Variants in PRIM2 observed in about 807,000 individuals in gnomAD.
PRIM2 encodes DNA primase large subunit.
Under a neutral mutation model 67.3 loss-of-function variants are expected in PRIM2, and 39 were observed. The ratio of observed to expected loss-of-function variants is 0.58; its 90% CI spans 0.45 to 0.76. PRIM2 has a LOEUF of 0.76. Among genes scored for constraint, PRIM2 ranks in the 30% least tolerant of loss-of-function variants. The pLI, the probability that PRIM2 is intolerant of heterozygous loss-of-function variation, is 0.00. For synonymous variants in PRIM2, 143 were observed against 198.7 expected, an observed-to-expected ratio of 0.72 and a Z score of 2.36; for missense variants, 398 against 598.7, an observed-to-expected ratio of 0.66 and a Z score of 3.50.
intron 4 of PRIM2, 130 bp from the exon 5 acceptor site, chr6:57,325,795 G>A (rs1767830657): frequency 1.2e-6 from 1 of 823,836 alleles, no homozygotes; most frequent in South Asian, 1.7e-5. Context: ...CCGTGATAGA[G>A]GACTTGCATG....
chr6:57,403,952 T>C, intron 7 of PRIM2, among the ~76,000 whole-genome samples: 1 of 147,678 alleles, frequency 6.8e-6, no homozygotes, highest in East Asian at 2.0e-4. Flanking sequence ...GGTTTGCAGA[T>C]GGCTGTCTTC....
At chr6:57,624,420 T>C (rs1467429754) in intron 12 of PRIM2, among the ~76,000 whole-genome samples, 1 of 152,226 alleles carries the variant, frequency 6.6e-6, no homozygotes, top group African/African-American at 2.4e-5. Flanking sequence ...AATCCTTTTA[T>C]TGGTACCTAA....
intron 7 of PRIM2, among the ~76,000 whole-genome samples, chr6:57,498,418 T>G (rs1774053881): frequency 1.3e-5 from 2 of 152,158 alleles, no homozygotes; most frequent in Admixed American, 1.3e-4. Context: ...TAAACGTAAA[T>G]TTGGTTCTTT....
rs1480787187 is a variant in PRIM2 at position 57,584,973 on chromosome 6, G to A, written c.1021-16120G>A. Among the ~76,000 whole-genome samples, 6 of 152,112 alleles carry A rather than the reference G, an allele frequency of 3.9e-5. No individual in the cohort carries two copies. In the East Asian group the frequency reaches 7.7e-4, roughly 20 times the overall value. On this transcript the variant is annotated intron_variant, in intron 10 of 13. Coordinates refer to ENST00000615550, the MANE Select transcript of PRIM2 (RefSeq NM_000947.5). ...CACAAGCCTGTAAACAGTTCTCACC[G>A]ATGAGAAATGAATTAACTCTTACAG...
the PRIM2 span, among the ~76,000 whole-genome samples, chr6:57,297,299 G>A: frequency 2.6e-5 from 4 of 152,072 alleles, no homozygotes; most frequent in Admixed American, 2.6e-4. Flanking sequence ...AAAATTAGCC[G>A]GGCATGGTGG....
At chr6:57,464,238 T>C (rs1272121397) in intron 7 of PRIM2, among the ~76,000 whole-genome samples, 2 of 152,158 alleles carry the variant, frequency 1.3e-5, no homozygotes, top group African/African-American at 4.8e-5. Context: ...GCTCCGAGAA[T>C]GCAGATCACA....
At chr6:57,505,804 G>GT (rs1774239305) in intron 7 of PRIM2, among the ~76,000 whole-genome samples, 1 of 152,092 alleles carries the variant, frequency 6.6e-6, no homozygotes, top group African/African-American at 2.4e-5. Context: ...TTACTGAGTT[G>GT]TTTTTTGTTT....
At chr6:57,500,579 T>C (rs1469568830) in intron 7 of PRIM2, among the ~76,000 whole-genome samples, 1 of 152,192 alleles carries the variant, frequency 6.6e-6, no homozygotes, top group Non-Finnish European at 1.5e-5. Flanking sequence ...AGACAAAACG[T>C]AGGGAAGTTT....
the PRIM2 span, among the ~76,000 whole-genome samples, chr6:57,299,908 GGTGGT>G: frequency 1.6e-4 from 24 of 152,120 alleles, no homozygotes; most frequent in African/African-American, 5.8e-4. Flanking sequence ...CAGTGGAGGT[GGTGGT>G]TTAGCATATG....
upstream of PRIM2, among the ~76,000 whole-genome samples, chr6:57,311,186 C>G (rs1364451217): frequency 7.0e-6 from 1 of 142,776 alleles, no homozygotes; most frequent in Non-Finnish European, 1.5e-5. Context: ...CGGGCAGAGG[C>G]GCCCCTCACC....
At chr6:57,272,409 A>T in the PRIM2 span, among the ~76,000 whole-genome samples, 7 of 150,988 alleles carry the variant, frequency 4.6e-5, no homozygotes, top group East Asian at 1.2e-3. Flanking sequence ...TTGATCTTTG[A>T]TGGTTTAAAG....
the PRIM2 span, among the ~76,000 whole-genome samples, chr6:57,261,866 C>T: frequency 4.6e-5 from 7 of 152,340 alleles, no homozygotes; most frequent in African/African-American, 1.7e-4. Context: ...CACCAGGTCT[C>T]TCTCTAGGAG....
At chr6:57,308,875 T>G in the PRIM2 span, among the ~76,000 whole-genome samples, 1 of 152,018 alleles carries the variant, frequency 6.6e-6, no homozygotes, top group Non-Finnish European at 1.5e-5. Context: ...TATTTTTCTT[T>G]TTTTTAATTT....
chr6:57,465,807 TC>T (rs1450628269), intron 7 of PRIM2, among the ~76,000 whole-genome samples: 7 of 151,930 alleles, frequency 4.6e-5, no homozygotes, highest in African/African-American at 1.7e-4. Context: ...CATTTTTTTT[TC>T]TTGATAATGA....
chr6:57,489,378 A>C (rs1271144002), intron 7 of PRIM2, among the ~76,000 whole-genome samples: 5 of 152,256 alleles, frequency 3.3e-5, no homozygotes, highest in Admixed American at 3.3e-4. Flanking sequence ...AACACGGTGA[A>C]ACCCCGTCTT....
intron 12 of PRIM2, among the ~76,000 whole-genome samples, chr6:57,618,173 G>A (rs1343537667): frequency 1.5e-4 from 23 of 152,272 alleles, no homozygotes; most frequent in African/African-American, 5.3e-4. Flanking sequence ...AGGAAGCATG[G>A]AATCTTCCAA....
chr6:57,352,228 T>C (rs1203605393), intron 5 of PRIM2, among the ~76,000 whole-genome samples: 2 of 152,236 alleles, frequency 1.3e-5, no homozygotes, highest in Admixed American at 6.5e-5. Context: ...GTATTTTTAT[T>C]TAAAAGTGTT....
At chr6:57,573,922 G>A (rs1288689110) in intron 10 of PRIM2, among the ~76,000 whole-genome samples, 1 of 151,876 alleles carries the variant, frequency 6.6e-6, no homozygotes, top group African/African-American at 2.4e-5. Flanking sequence ...TTCTGCTATG[G>A]CTTTGGAGAA....
chr6:57,479,420 T>C lies in PRIM2; in HGVS notation c.694-27967T>C, dbSNP rs1339861742. 2.0e-5 allele frequency among the ~76,000 whole-genome samples: 3 copies of C among 152,164 alleles called. No individual in the cohort carries two copies. In the East Asian group the frequency reaches 5.8e-4, roughly 29 times the overall value. On this transcript the variant is annotated intron_variant, in intron 7 of 13. Transcript: ENST00000615550. ...TAACAGGAATAGGAAAAGTTACAGG[T>C]ACACTGCTTTTATTCATAGCCCTTT... is the stretch of plus-strand genomic sequence containing the variant.
Sources: allele counts gnomAD v4.1 joint callset (sites outside exome capture counted in the v4.1 genomes callset), GRCh38; gene constraint gnomAD v4.1.1; transcripts MANE v1.5; gene names NCBI Gene and HGNC (gene_info 2026-07-23, HGNC 2026-07-21).